The following GABBR2 variants were observed in gnomAD, a reference collection of about 807,000 sequenced individuals.
GABBR2 encodes the protein G-protein coupled receptor 51.
A neutral mutation model predicts 105.6 loss-of-function variants in GABBR2; 23 were observed. The observed-to-expected ratio is 0.22, with a 90% CI of 0.16 to 0.31. The LOEUF is 0.31. Ranked by LOEUF, GABBR2 falls within the 10% of genes least tolerant of loss-of-function variation. The pLI is 1.00. For synonymous variants in GABBR2, 478 were observed against 499.7 expected (o/e 0.96, Z 0.58); for missense variants, 734 against 1,245.5 (o/e 0.59, Z 6.18).
intron 1 of GABBR2, among the ~76,000 whole-genome samples, chr9:98,649,432 A>G (rs1010548297): frequency 6.6e-6 from 1 of 152,164 alleles, no homozygotes; most frequent in Non-Finnish European, 1.5e-5. Flanking sequence ...AAGGAGGAGA[A>G]TGCCTTCTCC....
intron 13 of GABBR2, among the ~76,000 whole-genome samples, chr9:98,340,776 G>A (rs1211631406): frequency 6.6e-6 from 1 of 152,244 alleles, no homozygotes; most frequent in African/African-American, 2.4e-5. Flanking sequence ...ACAGAAAAGA[G>A]GGAAGGTCTT....
intron 3 of GABBR2, among the ~76,000 whole-genome samples, chr9:98,525,392 G>A (rs1243231340): frequency 6.6e-6 from 1 of 152,158 alleles, no homozygotes; most frequent in African/African-American, 2.4e-5. Flanking sequence ...TAGCTAATAA[G>A]CACATGAACA....
intron 2 of GABBR2, among the ~76,000 whole-genome samples, chr9:98,561,631 C>A (rs1235211551): frequency 6.6e-6 from 1 of 152,150 alleles, no homozygotes; most frequent in Non-Finnish European, 1.5e-5. Context: ...CCTATAACCC[C>A]AGCACTTCGG....
chr9:98,406,158 ACAAAT>A lies in GABBR2; in HGVS notation c.1237-22_1237-18del, dbSNP rs912771584. 4.7e-6 allele frequency: 7 copies of A among 1,499,410 alleles called. No individual in the cohort carries two copies. In the African/African-American group the frequency reaches 8.5e-5, roughly 18 times the overall value. The allele number at this position is 1,499,410 out of a possible 1,614,324, so 92.9% of individuals were successfully genotyped here. On this transcript the variant is annotated intron_variant, in intron 7 of 18. Coordinates refer to ENST00000259455, the MANE Select transcript of GABBR2 (RefSeq NM_005458.8). ...AACTTGACCCTAAAAACAAAACAAA[ACAAAT>A]CAAACAAGAATAAAAGAGAAATGCC...
At chr9:98,468,997 A>G (rs1039976745) in intron 6 of GABBR2, among the ~76,000 whole-genome samples, 1 of 152,176 alleles carries the variant, frequency 6.6e-6, no homozygotes. Flanking sequence ...ATTGTATTAG[A>G]TTTGTGGGGC....
At chr9:98,450,793 C>T (rs182916160) in intron 7 of GABBR2, among the ~76,000 whole-genome samples, 54 of 152,228 alleles carry the variant, frequency 3.5e-4, no homozygotes, top group African/African-American at 1.3e-3. Flanking sequence ...ATCCTCAAGC[C>T]GTGGAGAACA....
At chr9:98,446,185 T>C (rs1321062274) in intron 7 of GABBR2, among the ~76,000 whole-genome samples, 4 of 152,222 alleles carry the variant, frequency 2.6e-5, no homozygotes, top group Non-Finnish European at 5.9e-5. Flanking sequence ...TGGTATCTCA[T>C]AGGTATGCAA....
chr9:98,576,482 C>T (rs1336351196), intron 2 of GABBR2, among the ~76,000 whole-genome samples: 1 of 152,154 alleles, frequency 6.6e-6, no homozygotes, highest in African/African-American at 2.4e-5. Flanking sequence ...ATCTCATCAC[C>T]CTGTTTCCTT....
intron 2 of GABBR2, among the ~76,000 whole-genome samples, chr9:98,568,663 C>T (rs1276032952): frequency 2.0e-5 from 3 of 152,186 alleles, no homozygotes; most frequent in Non-Finnish European, 4.4e-5. Context: ...ATCCCTCTGG[C>T]CTTTGCAGTG....
intron 1 of GABBR2, among the ~76,000 whole-genome samples, chr9:98,614,250 G>A (rs537612759): frequency 9.9e-5 from 15 of 152,264 alleles, no homozygotes; most frequent in Admixed American, 2.0e-4. Context: ...TAGGCTGGGC[G>A]CGGTGGCTCA....
At chr9:98,703,843 A>AAG (rs1830862837) in intron 1 of GABBR2, among the ~76,000 whole-genome samples, 1 of 151,714 alleles carries the variant, frequency 6.6e-6, no homozygotes, top group African/African-American at 2.4e-5. Flanking sequence ...ATAAAATTAA[A>AAG]AATTTATATT....
At chr9:98,579,347 C>A (rs1034638136) in intron 1 of GABBR2, among the ~76,000 whole-genome samples, 8 of 152,134 alleles carry the variant, frequency 5.3e-5, no homozygotes, top group African/African-American at 1.9e-4. Context: ...GGAAAGAGGC[C>A]AGGGGCCCAC....
At chr9:98,652,922 C>A (rs1251978417) in intron 1 of GABBR2, among the ~76,000 whole-genome samples, 1 of 152,234 alleles carries the variant, frequency 6.6e-6, no homozygotes, top group African/African-American at 2.4e-5. Context: ...TGCCAGGCCC[C>A]ATCTCCAGAG....
At chr9:98,589,706 G>C (rs1364315691) in intron 1 of GABBR2, among the ~76,000 whole-genome samples, 1 of 148,870 alleles carries the variant, frequency 6.7e-6, no homozygotes, top group Non-Finnish European at 1.5e-5. Flanking sequence ...GCTGAGTTTG[G>C]CTGTCTTTTT....
At chr9:98,510,490 G>A (rs1827616923) in intron 3 of GABBR2, among the ~76,000 whole-genome samples, 2 of 152,124 alleles carry the variant, frequency 1.3e-5, no homozygotes, top group African/African-American at 4.8e-5. Flanking sequence ...TGGATAAAGA[G>A]TCAAGACCCA....
chr9:98,572,610 G>A (rs1412003421), intron 2 of GABBR2, among the ~76,000 whole-genome samples: 1 of 152,088 alleles, frequency 6.6e-6, no homozygotes, highest in East Asian at 1.9e-4. Flanking sequence ...CCTGTGTTGG[G>A]GTTGGGGTGG....
chr9:98,632,845 C>G (rs1829831493), intron 1 of GABBR2, among the ~76,000 whole-genome samples: 1 of 152,204 alleles, frequency 6.6e-6, no homozygotes, highest in African/African-American at 2.4e-5. Context: ...GTTTGTTAAA[C>G]AGCAATAAGT....
intron 4 of GABBR2, among the ~76,000 whole-genome samples, chr9:98,493,818 G>T (rs1393026423): frequency 6.6e-6 from 1 of 152,166 alleles, no homozygotes; most frequent in African/African-American, 2.4e-5. Flanking sequence ...TCAACAAATT[G>T]TTGAGCAAAT....
intron 5 of GABBR2, among the ~76,000 whole-genome samples, chr9:98,478,529 C>T (rs547124820): frequency 3.3e-4 from 51 of 152,250 alleles, no homozygotes; most frequent in African/African-American, 1.2e-3. Flanking sequence ...TAAGAGAAAC[C>T]TCATCTCAAA....
Sources: gnomAD v4.1 joint callset for allele counts (sites outside exome capture counted in the v4.1 genomes callset) on GRCh38, gnomAD v4.1.1 for gene constraint, MANE v1.5 for transcripts, NCBI Gene and HGNC (gene_info 2026-07-23, HGNC 2026-07-21) for gene names.